Variants in NKAIN2 observed in about 807,000 individuals in gnomAD.
The protein encoded by NKAIN2 is sodium/potassium-transporting ATPase subunit beta-1-interacting protein 2.
A neutral mutation model predicts 32.6 loss-of-function variants in NKAIN2; 14 were observed. The ratio of observed to expected loss-of-function variants is 0.43; its 90% CI spans 0.28 to 0.67. NKAIN2 has a LOEUF of 0.67. NKAIN2 is among the 30% of genes least tolerant of loss of function. NKAIN2 has a pLI of 0.17. For synonymous variants in NKAIN2, 80 were observed against 87.2 expected (o/e 0.92, Z 0.46); for missense variants, 198 against 258.3 (o/e 0.77, Z 1.60).
chr6:124,649,797 G>A (rs1452046218), intron 3 of NKAIN2, among the ~76,000 whole-genome samples: 3 of 152,084 alleles, frequency 2.0e-5, no homozygotes, highest in African/African-American at 7.2e-5. Flanking sequence ...ATTTGTCCCA[G>A]GTATGCAAAG....
rs191389848 is a variant in NKAIN2 at position 123,898,447 on chromosome 6, C to T, written c.54+94193C>T. Among the ~76,000 whole-genome samples, 4 of 152,124 alleles carry T rather than the reference C, an allele frequency of 2.6e-5. No homozygotes were observed. In the East Asian group the frequency reaches 7.7e-4, roughly 29 times the overall value. ...AATACATAAGCAGCAGAGCAAATTT[C>T]AGAATCCCATGTTACACCACTTTTC... On this transcript the variant is annotated intron_variant, in intron 1 of 6. Transcript: ENST00000368417.
chr6:124,330,892 G>T (rs1474517802), intron 2 of NKAIN2, among the ~76,000 whole-genome samples: 2 of 152,082 alleles, frequency 1.3e-5, no homozygotes, highest in African/African-American at 4.8e-5. Flanking sequence ...GTGCATGCAA[G>T]AGATCTAGGT....
intron 3 of NKAIN2, among the ~76,000 whole-genome samples, chr6:124,564,351 C>T (rs1034854299): frequency 2.6e-5 from 4 of 152,158 alleles, no homozygotes; most frequent in Non-Finnish European, 5.9e-5. Flanking sequence ...AGTCAGCACT[C>T]TGTAAAATGG....
intron 3 of NKAIN2, among the ~76,000 whole-genome samples, chr6:124,618,303 C>A (rs145882511): frequency 6.6e-6 from 1 of 152,016 alleles, no homozygotes; most frequent in African/African-American, 2.4e-5. Flanking sequence ...AAGGGTGAAA[C>A]CCCATCTCTA....
intron 4 of NKAIN2, among the ~76,000 whole-genome samples, chr6:124,727,052 C>T (rs1309422183): frequency 6.6e-6 from 1 of 151,872 alleles, no homozygotes; most frequent in African/African-American, 2.4e-5. Flanking sequence ...AAATATGGGA[C>T]TATGTGAAAA....
chr6:124,040,612 C>T (rs1014541114), intron 1 of NKAIN2, among the ~76,000 whole-genome samples: 13 of 151,936 alleles, frequency 8.6e-5, no homozygotes, highest in African/African-American at 2.9e-4. Context: ...TATCAACCAT[C>T]AAGTTATGTG....
At chr6:124,001,751 C>T (rs1434698459) in intron 1 of NKAIN2, among the ~76,000 whole-genome samples, 1 of 147,894 alleles carries the variant, frequency 6.8e-6, no homozygotes, top group Admixed American at 6.8e-5. Flanking sequence ...AATTACTATT[C>T]AGTGTTTATA....
intron 4 of NKAIN2, among the ~76,000 whole-genome samples, chr6:124,713,402 G>A (rs1775597475): frequency 1.3e-5 from 2 of 152,140 alleles, no homozygotes; most frequent in African/African-American, 4.8e-5. Context: ...ACAGATACTG[G>A]AAGATAAAGC....
At chr6:124,198,234 G>T (rs1790418373) in intron 1 of NKAIN2, among the ~76,000 whole-genome samples, 1 of 151,848 alleles carries the variant, frequency 6.6e-6, no homozygotes, top group Admixed American at 6.6e-5. Flanking sequence ...ATTCCTATAG[G>T]TATGTGCTAT....
intron 1 of NKAIN2, among the ~76,000 whole-genome samples, chr6:123,967,289 T>A (rs1390426421): frequency 6.6e-6 from 1 of 152,210 alleles, no homozygotes; most frequent in African/African-American, 2.4e-5. Flanking sequence ...TTCTTTGAAA[T>A]TGCAAATACT....
At chr6:123,872,889 A>C (rs1772969156) in intron 1 of NKAIN2, among the ~76,000 whole-genome samples, 1 of 152,196 alleles carries the variant, frequency 6.6e-6, no homozygotes, top group African/African-American at 2.4e-5. Flanking sequence ...TAATCCTTAT[A>C]ACACCTAAAA....
At chr6:123,845,102 A>G (rs561779020) in intron 1 of NKAIN2, among the ~76,000 whole-genome samples, 3 of 152,336 alleles carry the variant, frequency 2.0e-5, no homozygotes, top group African/African-American at 7.2e-5. Context: ...AGACAAATAG[A>G]TGTTGAAGTG....
At chr6:124,371,313 T>C (rs560271570) in intron 3 of NKAIN2, among the ~76,000 whole-genome samples, 3 of 149,844 alleles carry the variant, frequency 2.0e-5, no homozygotes, top group South Asian at 4.3e-4. Context: ...GAGACAAGAG[T>C]GTTTCCCTAC....
rs779483356 is a variant in NKAIN2, at chr6:123,862,197, C to T, written c.54+57943C>T. On this transcript the variant is annotated intron_variant, in intron 1 of 6. Coordinates refer to ENST00000368417, the MANE Select transcript of NKAIN2 (RefSeq NM_001040214.3). ...AATTTGTTATAGTGGGGAATGAATG[C>T]CAGAAAATATATGAAGCATTTATGG... is the stretch of plus-strand genomic sequence containing the variant. Among the ~76,000 whole-genome samples the T allele has an allele frequency of 1.3e-3, 197 of 152,064 alleles. 1 individual carries two copies. Among genetic ancestry groups the T allele is most frequent in the Non-Finnish European group, 4.1e-4 (28 of 68,014 alleles).
chr6:123,908,921 T>C (rs980686701), intron 1 of NKAIN2, among the ~76,000 whole-genome samples: 1 of 152,196 alleles, frequency 6.6e-6, no homozygotes, highest in Non-Finnish European at 1.5e-5. Context: ...TAATTGCATA[T>C]GTTAGCAATT....
intron 1 of NKAIN2, among the ~76,000 whole-genome samples, chr6:123,841,332 C>T (rs564960199): frequency 8.5e-5 from 13 of 152,148 alleles, no homozygotes; most frequent in Admixed American, 2.6e-4. Flanking sequence ...AGTAAACTGG[C>T]CTAACATCTA....
chr6:123,976,372 CATATATATATATATATATATAT>C (rs60189624), intron 1 of NKAIN2, among the ~76,000 whole-genome samples: 6 of 10,924 alleles, frequency 5.5e-4, no homozygotes, highest in South Asian at 0.011. Flanking sequence ...TATATATTCC[CATATATATATATATATATATAT>C]ATATATATAT....
At chr6:124,369,807 G>A (rs140053563) in intron 3 of NKAIN2, among the ~76,000 whole-genome samples, 54 of 148,098 alleles carry the variant, frequency 3.6e-4, no homozygotes, top group African/African-American at 1.2e-3. Flanking sequence ...ACCCAGACAT[G>A]ATCCTTGGGA....
In NKAIN2 at chr6:124,368,862, G is replaced by T. The variant is rs569271384; in HGVS notation, c.273+13515G>T. 8.4e-4 allele frequency among the ~76,000 whole-genome samples: 128 copies of T among 152,124 alleles called. No homozygotes were observed. In the South Asian group the frequency reaches 0.026, roughly 31 times the overall value. Reference sequence around the variant, plus strand: ...TCCCTTACCCAACATTTCTTTCTCAGCAACCTTTTATTCTCTCATAGATCA... The same window carrying T: ...TCCCTTACCCAACATTTCTTTCTCATCAACCTTTTATTCTCTCATAGATCA... On this transcript the variant is annotated intron_variant, in intron 3 of 6. Transcript: ENST00000368417.
Sources: gnomAD v4.1 joint callset for allele counts (sites outside exome capture counted in the v4.1 genomes callset) on GRCh38, gnomAD v4.1.1 for gene constraint, MANE v1.5 for transcripts, NCBI Gene and HGNC (gene_info 2026-07-23, HGNC 2026-07-21) for gene names.